The following ADCY2 variants were observed in gnomAD, a reference collection of about 807,000 sequenced individuals.
The protein encoded by ADCY2 is adenylate cyclase type 2.
In ADCY2, 31 loss-of-function variants were observed where a neutral mutation model predicts 125.2. That is an observed-to-expected ratio of 0.25 (90% CI 0.19 to 0.33). ADCY2 has a LOEUF of 0.33. Among genes scored for constraint, ADCY2 ranks in the 10% least tolerant of loss-of-function variants. The pLI is 1.00. For missense variants in ADCY2, 904 were observed against 1,418.2 expected (o/e 0.64, Z 5.82); for synonymous variants, 512 against 548.4 (o/e 0.93, Z 0.93).
intron 3 of ADCY2, among the ~76,000 whole-genome samples, chr5:7,544,124 T>C (rs959248636): frequency 1.1e-4 from 17 of 149,766 alleles, no homozygotes; most frequent in African/African-American, 3.9e-4. Flanking sequence ...GTTGAGCCCC[T>C]TCCCCATGAC....
chr5:7,741,495 G>A (rs1335713008), intron 14 of ADCY2, among the ~76,000 whole-genome samples: 4 of 132,510 alleles, frequency 3.0e-5, no homozygotes, highest in Non-Finnish European at 5.0e-5. Flanking sequence ...TTAGGATGTA[G>A]CATCACCACC....
chr5:7,718,245 T>C (rs1417312951), intron 12 of ADCY2, among the ~76,000 whole-genome samples: 1 of 147,554 alleles, frequency 6.8e-6, no homozygotes, highest in Non-Finnish European at 1.5e-5. Context: ...ACCTCCCGGG[T>C]TCACGCCGTT....
intron 24 of ADCY2, among the ~76,000 whole-genome samples, chr5:7,826,446 C>A (rs1415803089): frequency 1.3e-5 from 2 of 152,142 alleles, no homozygotes; most frequent in Non-Finnish European, 2.9e-5. Flanking sequence ...ATTGTGTCAT[C>A]CATGATAGCA....
intron 4 of ADCY2, among the ~76,000 whole-genome samples, chr5:7,646,586 C>T (rs1255136015): frequency 1.3e-5 from 2 of 152,126 alleles, no homozygotes; most frequent in African/African-American, 4.8e-5. Context: ...CAGTTTAGTA[C>T]TCTGAGCCTT....
At chr5:7,540,517 C>T (rs145837917) in intron 3 of ADCY2, among the ~76,000 whole-genome samples, 1 of 152,286 alleles carries the variant, frequency 6.6e-6, no homozygotes, top group African/African-American at 2.4e-5. Context: ...TAAGCAGATG[C>T]TTCGGATTTC....
intron 3 of ADCY2, among the ~76,000 whole-genome samples, chr5:7,541,515 A>G (rs1734996501): frequency 6.6e-6 from 1 of 152,190 alleles, no homozygotes; most frequent in African/African-American, 2.4e-5. Context: ...CAAGGACAAG[A>G]CATTAGTGTA....
At chr5:7,619,197 G>A (rs1431649613) in intron 3 of ADCY2, among the ~76,000 whole-genome samples, 1 of 152,188 alleles carries the variant, frequency 6.6e-6, no homozygotes. Context: ...AATATCAGAT[G>A]CAATTATCCA....
At chr5:7,749,115 T>A (rs1742724625) in intron 15 of ADCY2, among the ~76,000 whole-genome samples, 1 of 152,202 alleles carries the variant, frequency 6.6e-6, no homozygotes, top group Non-Finnish European at 1.5e-5. Flanking sequence ...CAGCACCCAT[T>A]GATCAAAATC....
At chr5:7,724,895 G>A (rs934266989) in intron 13 of ADCY2, among the ~76,000 whole-genome samples, 3 of 152,112 alleles carry the variant, frequency 2.0e-5, no homozygotes, top group Non-Finnish European at 2.9e-5. Context: ...AGATGTGGGA[G>A]ATATCTACTC....
At chr5:7,464,073 C>T (rs548643808) in intron 2 of ADCY2, among the ~76,000 whole-genome samples, 2 of 152,142 alleles carry the variant, frequency 1.3e-5, no homozygotes, top group African/African-American at 2.4e-5. Context: ...TGCTACAAAC[C>T]GTACTCTCAT....
chr5:7,553,212 ACTGT>A (rs1735393274), intron 3 of ADCY2, among the ~76,000 whole-genome samples: 1 of 152,212 alleles, frequency 6.6e-6, no homozygotes, highest in Non-Finnish European at 1.5e-5. Context: ...CCATATCTTG[ACTGT>A]TCTGGTGCCT....
chr5:7,554,712 G>A (rs974598953), intron 3 of ADCY2, among the ~76,000 whole-genome samples: 1 of 152,126 alleles, frequency 6.6e-6, no homozygotes, highest in African/African-American at 2.4e-5. Flanking sequence ...GCCTTGTTTT[G>A]CAGGTCAAGT....
chr5:7,721,474 G>T (rs569880840), intron 12 of ADCY2, among the ~76,000 whole-genome samples: 27 of 152,236 alleles, frequency 1.8e-4, no homozygotes, highest in Middle Eastern at 6.8e-3. Flanking sequence ...TCCTTGCCCA[G>T]GCCTATAGCC....
chr5:7,455,638 A>C (rs1000441546), intron 2 of ADCY2, among the ~76,000 whole-genome samples: 1 of 148,184 alleles, frequency 6.7e-6, no homozygotes, highest in Non-Finnish European at 1.5e-5. Context: ...ATATGTATAT[A>C]TACTGTATAT....
intron 15 of ADCY2, among the ~76,000 whole-genome samples, chr5:7,744,479 C>A (rs954459118): frequency 3.3e-5 from 5 of 152,194 alleles, no homozygotes; most frequent in South Asian, 2.1e-4. Context: ...GTTAAAATAT[C>A]TTTTATTAGT....
At chr5:7,432,030 C>CAG (rs1740620413) in intron 2 of ADCY2, among the ~76,000 whole-genome samples, 1 of 152,050 alleles carries the variant, frequency 6.6e-6, no homozygotes, top group Non-Finnish European at 1.5e-5. Context: ...GCTCTACTGG[C>CAG]AGAGAGAAGA....
At chr5:7,693,981 T>C (rs966531346) in intron 5 of ADCY2, among the ~76,000 whole-genome samples, 1 of 152,186 alleles carries the variant, frequency 6.6e-6, no homozygotes, top group Non-Finnish European at 1.5e-5. Flanking sequence ...TCAGCACCTG[T>C]GATCCCTGCC....
intron 16 of ADCY2, among the ~76,000 whole-genome samples, chr5:7,764,921 A>G (rs1420440339): frequency 6.6e-6 from 1 of 152,312 alleles, no homozygotes; most frequent in East Asian, 1.9e-4. Context: ...AAATTGTAGT[A>G]TGATTTTAGA....
At chr5:7,517,357 C>T (rs184278202) in intron 2 of ADCY2, among the ~76,000 whole-genome samples, 38 of 152,304 alleles carry the variant, frequency 2.5e-4, no homozygotes, top group Admixed American at 6.5e-4. Flanking sequence ...AGATAGCATT[C>T]GACTATCTGG....
Sources: gnomAD v4.1 joint callset for allele counts (sites outside exome capture counted in the v4.1 genomes callset) on GRCh38, gnomAD v4.1.1 for gene constraint, MANE v1.5 for transcripts, NCBI Gene and HGNC (gene_info 2026-07-23, HGNC 2026-07-21) for gene names.